CALD1: variants seen among roughly 807,000 people sequenced by gnomAD.
CALD1 encodes caldesmon.
Under a neutral mutation model 99.9 loss-of-function variants are expected in CALD1, and 33 were observed. The observed-to-expected ratio is 0.33, with a 90% CI of 0.25 to 0.44. CALD1 has a LOEUF of 0.44. Among genes scored for constraint, CALD1 ranks in the 20% least tolerant of loss-of-function variants. The probability of loss-of-function intolerance (pLI) is 1.00; values close to 1 mark genes in which losing one functional copy is unlikely to be tolerated. For synonymous variants in CALD1, 310 were observed against 325.0 expected (o/e 0.95, Z 0.50); for missense variants, 861 against 962.1 (o/e 0.89, Z 1.39).
Position 134,839,772 on chromosome 7 carries a change from C to G in CALD1, c.-129-4112C>G, listed in dbSNP as rs539539899. Among the ~76,000 whole-genome samples, 68 of 152,268 alleles carry G rather than the reference C, an allele frequency of 4.5e-4. 1 individual carries two copies. The highest frequency in any genetic ancestry group is 1.5e-3 in the African/African-American group (62 of 41,562). ...TGTCACGATCATGGCTTACTGTGGC[C>G]TTGACTTCCCTGGCTCAAGAGATCC... is the stretch of plus-strand genomic sequence containing the variant. On this transcript the variant is annotated intron_variant, in intron 1 of 14. Coordinates refer to ENST00000361675, the MANE Select transcript of CALD1 (RefSeq NM_033138.4).
In CALD1 at chr7:134,965,286, T is replaced by C. The variant is rs780266594; in HGVS notation, c.2296-20T>C. On this transcript the variant is annotated intron_variant, in intron 13 of 14. Transcript: ENST00000361675. ...TATAAATGGCCACCTATCGATGTTTTTCTGCTTCCTTTTTATCAGGACTTG... is the reference window on the plus strand; with the variant it reads ...TATAAATGGCCACCTATCGATGTTTCTCTGCTTCCTTTTTATCAGGACTTG... 6 of 1,363,172 alleles carry C rather than the reference T, an allele frequency of 4.4e-6. No homozygotes were observed. Among genetic ancestry groups the C allele is most frequent in the Non-Finnish European group, 6.3e-6 (6 of 951,012 alleles). The allele number at this position is 1,363,172 out of a possible 1,614,324, so 84.4% of individuals were successfully genotyped here. A position where few individuals can be genotyped will look rare whatever the true frequency, so the allele number is the denominator to read the frequency against.
chr7:134,897,389 A>AATAT (rs772700602), intron 3 of CALD1, among the ~76,000 whole-genome samples: 3,182 of 146,614 alleles, frequency 0.022, 100 homozygotes, highest in African/African-American at 0.075. Context: ...TATATATATA[A>AATAT]ATATATATAT....
Position 134,960,574 on chromosome 7 carries a change from T to C in CALD1, c.2241T>C (p.Asn747=), listed in dbSNP as rs1461672687. 2 of 1,613,692 alleles carry C rather than the reference T, an allele frequency of 1.2e-6. No homozygotes were observed. The highest frequency in any genetic ancestry group is 3.3e-5 in the Admixed American group (2 of 59,990). Residue 747 remains asparagine, a synonymous_variant, in exon 13 of 15, where the codon AAT becomes AAC. Transcript: ENST00000361675. ...GLKVGVSSRI[N]EWLTKTPDGN... ...AGGTAGGGGTTTCTAGCCGCATCAA[T>C]GAATGGCTAACTAAAACCCCAGATG...
At chr7:134,935,887 C>G in intron 6 of CALD1, 122 bp downstream of exon 6, 2 of 907,306 alleles carry the variant, frequency 2.2e-6, no homozygotes, top group Middle Eastern at 3.4e-4. Flanking sequence ...CAAGCCATGA[C>G]TCACAGTCCA....
chr7:134,953,038 A>C (rs1043468230), intron 9 of CALD1, among the ~76,000 whole-genome samples: 4 of 152,262 alleles, frequency 2.6e-5, no homozygotes, highest in Non-Finnish European at 5.9e-5. Flanking sequence ...TGAGCAGAGC[A>C]AAATGAGTAG....
intron 1 of CALD1, among the ~76,000 whole-genome samples, chr7:134,804,052 C>T (rs1003185421): frequency 2.0e-5 from 3 of 152,162 alleles, no homozygotes; most frequent in Non-Finnish European, 4.4e-5. Flanking sequence ...TTTGTCTTTT[C>T]TTGCAAATAC....
chr7:134,962,326 A>T (rs561798414), intron 13 of CALD1: 1 of 154,122 alleles, frequency 6.5e-6, no homozygotes, highest in South Asian at 2.0e-4. Flanking sequence ...CAAAAACAAA[A>T]CAAAACATAC....
At chr7:134,829,061 C>T (rs79004178) in intron 1 of CALD1, among the ~76,000 whole-genome samples, 13,062 of 152,226 alleles carry the variant, frequency 0.086, 702 homozygotes, top group Non-Finnish European at 0.11. Context: ...TTCATTCATT[C>T]CATGTATATT....
chr7:134,786,786 T>C (rs1375939316), intron 1 of CALD1, among the ~76,000 whole-genome samples: 1 of 152,248 alleles, frequency 6.6e-6, no homozygotes, highest in Non-Finnish European at 1.5e-5. Context: ...TTACTTCCCC[T>C]GATAGTAAGA....
intron 2 of CALD1, among the ~76,000 whole-genome samples, chr7:134,854,147 A>C (rs2132237342): frequency 6.6e-6 from 1 of 152,164 alleles, no homozygotes; most frequent in East Asian, 1.9e-4. Context: ...AGTCTTTGCT[A>C]TTGTGAATAG....
At chr7:134,744,960 A>G (rs1422722885) in intron 1 of CALD1, among the ~76,000 whole-genome samples, 1 of 152,088 alleles carries the variant, frequency 6.6e-6, no homozygotes, top group Non-Finnish European at 1.5e-5. Context: ...TTATGTTCAA[A>G]TTTCTCTAAT....
intron 3 of CALD1, among the ~76,000 whole-genome samples, chr7:134,884,839 T>C (rs1457185480): frequency 4.6e-5 from 7 of 152,172 alleles, no homozygotes; most frequent in African/African-American, 1.7e-4. Flanking sequence ...CCAGCAAAAA[T>C]GTTACACTGT....
intron 14 of CALD1, 134 bp downstream of exon 14, chr7:134,965,520 A>C (rs1277960124): frequency 9.3e-6 from 6 of 646,588 alleles, no homozygotes; most frequent in Non-Finnish European, 1.7e-5. Context: ...TGTCTAAAAG[A>C]CCAGTACATA....
At chr7:134,944,197 G>A (rs1806675800) in intron 7 of CALD1, among the ~76,000 whole-genome samples, 1 of 152,120 alleles carries the variant, frequency 6.6e-6, no homozygotes, top group Non-Finnish European at 1.5e-5. Context: ...CTTTAACCTT[G>A]TTTGAGTTCA....
At chr7:134,809,654 A>C (rs1394314975) in intron 1 of CALD1, 1 of 152,232 alleles carries the variant, frequency 6.6e-6, no homozygotes, top group Non-Finnish European at 1.5e-5. Context: ...TTTTATTGTC[A>C]GTTTTAGTCA....
At chr7:134,806,629 T>C (rs1798149262) in intron 1 of CALD1, among the ~76,000 whole-genome samples, 2 of 152,248 alleles carry the variant, frequency 1.3e-5, no homozygotes, top group Admixed American at 1.3e-4. Flanking sequence ...TTCTTGGATC[T>C]GCTTAGTCCA....
At chr7:134,712,051 G>C in the CALD1 span, among the ~76,000 whole-genome samples, 1 of 127,018 alleles carries the variant, frequency 7.9e-6, no homozygotes, top group Non-Finnish European at 1.7e-5. Context: ...GGGAGAGAGG[G>C]AGGGAGGGAG....
At chr7:134,924,775 G>A (rs552977349) in intron 3 of CALD1, among the ~76,000 whole-genome samples, 39 of 152,112 alleles carry the variant, frequency 2.6e-4, no homozygotes, top group Admixed American at 1.2e-3. Flanking sequence ...TGTACTCCCC[G>A]TAATCTCCAT....
At chr7:134,799,922 T>C (rs1252088012) in intron 1 of CALD1, among the ~76,000 whole-genome samples, 1 of 151,838 alleles carries the variant, frequency 6.6e-6, no homozygotes, top group Non-Finnish European at 1.5e-5. Context: ...TCTCAGAATC[T>C]GATAAGAAAG....
Sources: allele counts gnomAD v4.1 joint callset (sites outside exome capture counted in the v4.1 genomes callset), GRCh38; gene constraint gnomAD v4.1.1; transcripts MANE v1.5; gene names NCBI Gene and HGNC (gene_info 2026-07-23, HGNC 2026-07-21).